The following DMD variants were observed in gnomAD, a reference collection of about 807,000 sequenced individuals.
DMD encodes the protein mutant dystrophin.
A neutral mutation model predicts 330.1 loss-of-function variants in DMD; 63 were observed. That is an observed-to-expected ratio of 0.19 (90% CI 0.16 to 0.24). The LOEUF (loss-of-function observed/expected upper bound fraction) is 0.24. DMD is among the 10% of genes least tolerant of loss of function. The pLI is 1.00. For missense variants in DMD, 3,344 were observed against 2,684.1 expected, an observed-to-expected ratio of 1.25 and a Z score of -5.43; for synonymous variants, 1,223 against 959.8, an observed-to-expected ratio of 1.27 and a Z score of -5.07.
In DMD at chrX:31,495,232, T is replaced by A. The variant is rs774910700; in HGVS notation, c.8547+1556A>T. Among the ~76,000 whole-genome samples, 4 of 109,395 alleles carry A rather than the reference T, an allele frequency of 3.7e-5. No homozygotes were observed. In the South Asian group the frequency reaches 1.7e-3, roughly 45 times the overall value. The allele number at this position is 109,395 out of a possible 115,157, so 95.0% of individuals were successfully genotyped here. A position where few individuals can be genotyped will look rare whatever the true frequency, so the allele number is the denominator to read the frequency against. The stretch of plus-strand genomic sequence containing the variant: ...ATTTCCTATATCCTCTTCTCCAGAA[T>A]AATATAAACCCTTGACCTTTCCTCA... On this transcript the variant is annotated intron_variant, in intron 57 of 78. Coordinates refer to ENST00000357033, the MANE Select transcript of DMD (RefSeq NM_004006.3).
intron 42 of DMD, among the ~76,000 whole-genome samples, chrX:32,292,887 T>C (rs542844413): frequency 2.7e-5 from 3 of 112,457 alleles, no homozygotes; most frequent in Middle Eastern, 4.6e-3. Context: ...ATGCTTACAA[T>C]GGGAACCTTA....
chrX:32,793,193 T>C lies in DMD; in HGVS notation c.649+16300A>G, dbSNP rs186565449. 1.6e-3 allele frequency among the ~76,000 whole-genome samples: 175 copies of C among 111,827 alleles called. 1 individual carries two copies. The highest frequency in any genetic ancestry group is 4.9e-3 in the African/African-American group (151 of 30,850). On this transcript the variant is annotated intron_variant, in intron 7 of 78. Transcript: ENST00000357033. ...TGAACAACATACTCCTGAATGACCA[T>C]TGGGTCAAGGAAGAAAATTGAGGAA...
intron 7 of DMD, among the ~76,000 whole-genome samples, chrX:32,783,224 G>GTATATGTATATACACATATGTGTA (rs2075009061): frequency 1.1e-5 from 1 of 94,045 alleles, no homozygotes; most frequent in African/African-American, 3.8e-5. Flanking sequence ...GTATATACGT[G>GTATATGTATATACACATATGTGTA]TATACGTATA....
chrX:31,856,174 CA>C (rs1190146451), intron 48 of DMD, among the ~76,000 whole-genome samples: 1 of 111,798 alleles, frequency 8.9e-6, no homozygotes, highest in African/African-American at 3.2e-5. Flanking sequence ...AAAATCTGTC[CA>C]ACAAACTTGA....
At chrX:33,135,650 A>G (rs2095522512) in intron 1 of DMD, among the ~76,000 whole-genome samples, 1 of 112,059 alleles carries the variant, frequency 8.9e-6, no homozygotes, top group Non-Finnish European at 1.9e-5. Flanking sequence ...TTAAAAACCT[A>G]GGCTCTGGAG....
intron 18 of DMD, among the ~76,000 whole-genome samples, chrX:32,505,653 C>A (rs896685022): frequency 8.9e-6 from 1 of 112,180 alleles, no homozygotes; most frequent in Non-Finnish European, 1.9e-5. Flanking sequence ...CAATCATGCA[C>A]TTAGGCATTT....
intron 42 of DMD, among the ~76,000 whole-genome samples, chrX:32,305,541 C>A (rs2097537289): frequency 9.0e-6 from 1 of 111,159 alleles, no homozygotes; most frequent in South Asian, 3.7e-4. Flanking sequence ...CAGAATCTGA[C>A]ATTCTCTCAC....
chrX:31,559,640 C>CAAAAAAAAAAAAAAAAAAA (rs1167550498), intron 55 of DMD, among the ~76,000 whole-genome samples: 1 of 21,638 alleles, frequency 4.6e-5, no homozygotes, highest in Non-Finnish European at 1.0e-4. Flanking sequence ...AACTCCGTCT[C>CAAAAAAAAAAAAAAAAAAA]AAAAAAAAAA....
intron 28 of DMD, 52 bp from the exon 29 acceptor site, chrX:32,438,442 T>C (rs779850052): frequency 1.7e-6 from 2 of 1,157,303 alleles, no homozygotes; most frequent in Middle Eastern, 2.4e-4. Context: ...CTAAATACAT[T>C]GGATTATCAG....
At chrX:31,187,913 G>A (rs2041967531) in intron 67 of DMD, among the ~76,000 whole-genome samples, 1 of 111,887 alleles carries the variant, frequency 8.9e-6, no homozygotes, top group Admixed American at 9.5e-5. Flanking sequence ...AGAAGAAACA[G>A]ACTTAAGCAG....
intron 1 of DMD, among the ~76,000 whole-genome samples, chrX:33,021,933 C>T (rs2093921768): frequency 1.8e-5 from 2 of 111,251 alleles, no homozygotes; most frequent in Non-Finnish European, 3.8e-5. Flanking sequence ...CAAATCTTTA[C>T]TTTCATAAAA....
intron 7 of DMD, among the ~76,000 whole-genome samples, chrX:32,750,469 T>C (rs1205758066): frequency 9.0e-6 from 1 of 111,694 alleles, no homozygotes; most frequent in African/African-American, 3.3e-5. Context: ...TGATATTCAT[T>C]CAATAATTTA....
chrX:32,667,852 C>T (rs2061406909), intron 9 of DMD, among the ~76,000 whole-genome samples: 1 of 106,981 alleles, frequency 9.3e-6, no homozygotes, highest in African/African-American at 3.5e-5. Context: ...TTAAAAATAC[C>T]CTTAAGGCTG....
At chrX:31,971,036 C>T (rs893836175) in intron 44 of DMD, among the ~76,000 whole-genome samples, 5 of 111,400 alleles carry the variant, frequency 4.5e-5, no homozygotes, top group African/African-American at 1.6e-4. Context: ...GACTTTAATG[C>T]GCATACAAAT....
chrX:32,049,171 G>A (rs2096086477), intron 44 of DMD, among the ~76,000 whole-genome samples: 1 of 111,312 alleles, frequency 9.0e-6, no homozygotes, highest in Non-Finnish European at 1.9e-5. Flanking sequence ...TCAAAGCAAG[G>A]TCTAATTGAG....
At chrX:32,643,168 C>T (rs991542258) in intron 11 of DMD, among the ~76,000 whole-genome samples, 2 of 110,871 alleles carry the variant, frequency 1.8e-5, no homozygotes, top group African/African-American at 6.5e-5. Context: ...ATTAGTATCT[C>T]CTGGCTTGGA....
intron 60 of DMD, among the ~76,000 whole-genome samples, chrX:31,386,842 C>T (rs2060469268): frequency 9.0e-6 from 1 of 111,655 alleles, no homozygotes; most frequent in Non-Finnish European, 1.9e-5. Context: ...TTTTAATAGG[C>T]TTCATTCTAG....
At chrX:31,603,164 C>T (rs527922580) in intron 55 of DMD, among the ~76,000 whole-genome samples, 3 of 110,298 alleles carry the variant, frequency 2.7e-5, no homozygotes, top group Non-Finnish European at 5.7e-5. Flanking sequence ...CGAACAGAAC[C>T]GACGGCCTAG....
rs918695635 is a variant in DMD at position 32,816,737 on chromosome X, G to A, written c.358-97C>T. 1.0e-4 allele frequency: 86 copies of A among 836,565 alleles called. 3 individuals carry two copies. The highest frequency in any genetic ancestry group is 4.2e-4 in the East Asian group (13 of 31,276). The allele number at this position is 836,565 out of a possible 1,213,427, so 68.9% of individuals were successfully genotyped here. ...TGTCCTTGATCTTCAGTGATAAATA[G>A]AAATTTTAGGGCCAATTAGTAATGA... On this transcript the variant is annotated intron_variant, in intron 5 of 78. Transcript: ENST00000357033.
Sources: allele counts gnomAD v4.1 joint callset (sites outside exome capture counted in the v4.1 genomes callset), GRCh38; gene constraint gnomAD v4.1.1; transcripts MANE v1.5; gene names NCBI Gene and HGNC (gene_info 2026-07-23, HGNC 2026-07-21).